Variants in ZSCAN4 observed in about 807,000 individuals in gnomAD.
ZSCAN4 encodes the protein zinc finger and SCAN domain-containing protein 4.
Under a neutral mutation model 18.3 loss-of-function variants are expected in ZSCAN4, and 18 were observed. The observed-to-expected ratio is 0.98, with a 90% confidence interval of 0.68 to 1.46. The LOEUF (loss-of-function observed/expected upper bound fraction) is 1.46, where lower values mean the gene tolerates loss of function less well. ZSCAN4 is among the 40% of genes most tolerant of loss of function. The pLI is 0.00. For synonymous variants in ZSCAN4, 193 were observed against 180.3 expected, an observed-to-expected ratio of 1.07 and a Z score of -0.57; for missense variants, 498 against 511.4, an observed-to-expected ratio of 0.97 and a Z score of 0.25.
intron 3 of ZSCAN4, 31 bp downstream of exon 3, chr19:57,676,572 G>A (rs370717309): frequency 2.2e-5 from 34 of 1,560,614 alleles, no homozygotes; most frequent in Non-Finnish European, 2.9e-5. Flanking sequence ...TCTGGGATGA[G>A]AGACAAAGGA....
At chr19:57,652,001 C>G in the ZSCAN4 span, among the ~76,000 whole-genome samples, 5 of 152,120 alleles carry the variant, frequency 3.3e-5, no homozygotes, top group Admixed American at 6.5e-5. Flanking sequence ...AGGGGATGTC[C>G]TCAGAATGCT....
intron 4 of ZSCAN4, 23 bp downstream of exon 4, chr19:57,678,102 A>G (rs1984244915): frequency 6.3e-7 from 1 of 1,589,118 alleles, no homozygotes; most frequent in African/African-American, 1.3e-5. Flanking sequence ...AATCTGCACA[A>G]CTGAGGAGTG....
At chr19:57,671,156 C>T (rs11879391) in intron 2 of ZSCAN4, among the ~76,000 whole-genome samples, 25,714 of 152,036 alleles carry the variant, frequency 0.17, 2,257 homozygotes, top group East Asian at 0.26. Context: ...AGCCACTGTG[C>T]CCAGCTTAGT....
the ZSCAN4 span, among the ~76,000 whole-genome samples, chr19:57,655,028 T>C: frequency 1.3e-5 from 2 of 152,202 alleles, no homozygotes; most frequent in African/African-American, 4.8e-5. Flanking sequence ...TTCTCCATTC[T>C]TGGGGATATT....
chr19:57,658,470 G>A, the ZSCAN4 span, among the ~76,000 whole-genome samples: 69 of 152,142 alleles, frequency 4.5e-4, no homozygotes. Flanking sequence ...CATCCTATTT[G>A]TATTATACTG....
At chr19:57,676,666 T>A (rs973778834) in intron 3 of ZSCAN4, 125 bp downstream of exon 3, 32 of 1,074,424 alleles carry the variant, frequency 3.0e-5, no homozygotes, top group Non-Finnish European at 1.3e-6. Flanking sequence ...CAGCTCACAC[T>A]CTCCCACCAT....
the ZSCAN4 span, among the ~76,000 whole-genome samples, chr19:57,654,647 G>A: frequency 6.6e-6 from 1 of 152,050 alleles, no homozygotes; most frequent in African/African-American, 2.4e-5. Context: ...CCAGGCAGTG[G>A]TGCCCATCCA....
the ZSCAN4 span, among the ~76,000 whole-genome samples, chr19:57,653,920 C>G: frequency 6.6e-6 from 1 of 152,172 alleles, no homozygotes; most frequent in Non-Finnish European, 1.5e-5. Flanking sequence ...AACAGGTCCC[C>G]CATTCCAGAT....
At chr19:57,653,687 A>G in the ZSCAN4 span, among the ~76,000 whole-genome samples, 2 of 152,236 alleles carry the variant, frequency 1.3e-5, no homozygotes, top group African/African-American at 4.8e-5. Flanking sequence ...AGGTGCTGGC[A>G]GATGCCATAC....
chr19:57,658,968 C>T, the ZSCAN4 span, among the ~76,000 whole-genome samples: 5 of 151,796 alleles, frequency 3.3e-5, no homozygotes, highest in Non-Finnish European at 5.9e-5. Flanking sequence ...AAAATATTTT[C>T]GGGACCAGAA....
intron 3 of ZSCAN4, 33 bp downstream of exon 3, chr19:57,676,574 G>A: frequency 6.4e-7 from 1 of 1,559,574 alleles, no homozygotes; most frequent in Non-Finnish European, 8.7e-7. Flanking sequence ...TGGGATGAGA[G>A]ACAAAGGAAA....
At chr19:57,676,166 C>T (rs761945539) in exon 3 of ZSCAN4, 1 of 1,611,760 alleles carries the variant, frequency 6.2e-7, no homozygotes, top group South Asian at 1.1e-5. Context: ...ATCTAAGAAC[C>T]ATATTTCAGT....
intron 2 of ZSCAN4, among the ~76,000 whole-genome samples, chr19:57,673,752 T>G (rs9676546): frequency 0.51 from 76,169 of 149,796 alleles, 19,465 homozygotes; most frequent in Middle Eastern, 0.56. Context: ...TGATGATGAT[T>G]ATTATTATTA....
intron 2 of ZSCAN4, among the ~76,000 whole-genome samples, chr19:57,672,255 G>A (rs1432426684): frequency 1.3e-5 from 2 of 152,064 alleles, no homozygotes; most frequent in East Asian, 3.9e-4. Flanking sequence ...AATGGTAACT[G>A]TTAATGGGAA....
At chr19:57,651,793 C>T in the ZSCAN4 span, among the ~76,000 whole-genome samples, 2 of 152,176 alleles carry the variant, frequency 1.3e-5, no homozygotes, top group African/African-American at 4.8e-5. Flanking sequence ...CTACCACTTT[C>T]CCTTTTCTCT....
upstream of ZSCAN4, among the ~76,000 whole-genome samples, chr19:57,667,203 C>T (rs969833602): frequency 6.6e-6 from 1 of 152,160 alleles, no homozygotes; most frequent in Admixed American, 6.5e-5. Flanking sequence ...TTATTCTATG[C>T]CTAAGTTGGG....
At chr19:57,654,104 G>C in the ZSCAN4 span, among the ~76,000 whole-genome samples, 1 of 152,092 alleles carries the variant, frequency 6.6e-6, no homozygotes, top group African/African-American at 2.4e-5. Context: ...CCTCTCCTCA[G>C]TTCTTCCATC....
At chr19:57,669,480 T>G (rs1433187034) in intron 1 of ZSCAN4, among the ~76,000 whole-genome samples, 1 of 152,124 alleles carries the variant, frequency 6.6e-6, no homozygotes, top group East Asian at 1.9e-4. Context: ...CAGGCTGCAG[T>G]GCAGTGGCAC....
chr19:57,666,846 G>T (rs1302030386), upstream of ZSCAN4, among the ~76,000 whole-genome samples: 3 of 152,070 alleles, frequency 2.0e-5, no homozygotes, highest in Non-Finnish European at 2.9e-5. Flanking sequence ...GCAAGACTTT[G>T]TCTCGAAAAA....
Sources: allele counts gnomAD v4.1 joint callset (sites outside exome capture counted in the v4.1 genomes callset), GRCh38; gene constraint gnomAD v4.1.1; transcripts MANE v1.5; gene names NCBI Gene and HGNC (gene_info 2026-07-23, HGNC 2026-07-21).